Variants in CD44 observed in about 807,000 individuals in gnomAD.
CD44 encodes the protein CD44 antigen.
Under a neutral mutation model 88.8 loss-of-function variants are expected in CD44, and 49 were observed. The ratio of observed to expected loss-of-function variants is 0.55; its 90% CI spans 0.44 to 0.70. CD44 has a LOEUF of 0.70. Ranked by LOEUF, CD44 falls within the 30% of genes least tolerant of loss-of-function variation. CD44 has a pLI of 0.00. For synonymous variants in CD44, 325 were observed against 312.3 expected, an observed-to-expected ratio of 1.04 and a Z score of -0.43; for missense variants, 883 against 913.8, an observed-to-expected ratio of 0.97 and a Z score of 0.43.
intron 3 of CD44, among the ~76,000 whole-genome samples, chr11:35,185,482 T>G (rs1282759244): frequency 6.6e-6 from 1 of 152,178 alleles, no homozygotes; most frequent in African/African-American, 2.4e-5. Flanking sequence ...TCCACTTTTA[T>G]AAGTACACAA....
intron 1 of CD44, among the ~76,000 whole-genome samples, chr11:35,146,395 GTTT>G (rs1331317506): frequency 6.6e-6 from 1 of 152,202 alleles, no homozygotes. Flanking sequence ...AAGTTCATTT[GTTT>G]TTGAGAGCTC....
chr11:35,140,058 G>T (rs1325920590), intron 1 of CD44, among the ~76,000 whole-genome samples: 1 of 152,240 alleles, frequency 6.6e-6, no homozygotes, highest in Non-Finnish European at 1.5e-5. Context: ...TGGACCAGCT[G>T]CTTGGTCCTC....
chr11:35,142,073 T>A (rs1858087621), intron 1 of CD44, among the ~76,000 whole-genome samples: 2 of 152,146 alleles, frequency 1.3e-5, no homozygotes, highest in African/African-American at 4.8e-5. Context: ...AACAGATATC[T>A]TGAATTCGGG....
At chr11:35,165,367 C>G (rs751591355) in intron 1 of CD44, among the ~76,000 whole-genome samples, 6 of 152,162 alleles carry the variant, frequency 3.9e-5, no homozygotes, top group Non-Finnish European at 5.9e-5. Context: ...TCTGGGTTTA[C>G]CAAACTCTCC....
chr11:35,196,423 C>A (rs544753878), intron 5 of CD44, among the ~76,000 whole-genome samples: 1 of 152,096 alleles, frequency 6.6e-6, no homozygotes, highest in Non-Finnish European at 1.5e-5. Flanking sequence ...GGCTGTCATG[C>A]GTTCCTGGAG....
intron 1 of CD44, among the ~76,000 whole-genome samples, chr11:35,176,339 G>A (rs1289359251): frequency 6.6e-6 from 1 of 151,926 alleles, no homozygotes; most frequent in Non-Finnish European, 1.5e-5. Context: ...ACCGCGCCCG[G>A]CCTAATTTTT....
chr11:35,215,459 A>G (rs925473233), intron 15 of CD44, among the ~76,000 whole-genome samples: 3 of 152,272 alleles, frequency 2.0e-5, no homozygotes, highest in South Asian at 4.1e-4. Flanking sequence ...TAAAGCATTT[A>G]GCATAATCCT....
intron 1 of CD44, among the ~76,000 whole-genome samples, chr11:35,167,416 A>T (rs1365021056): frequency 6.6e-6 from 1 of 152,194 alleles, no homozygotes; most frequent in Non-Finnish European, 1.5e-5. Flanking sequence ...TTAAAAATAG[A>T]TAATCCAATT....
intron 6 of CD44, chr11:35,197,719 C>CAAAAAAAAA (rs550761818): frequency 1.2e-5 from 1 of 81,106 alleles, no homozygotes; most frequent in Non-Finnish European, 2.5e-5. Context: ...GTGTCTTGAC[C>CAAAAAAAAA]AAAAAAAAAA....
intron 1 of CD44, among the ~76,000 whole-genome samples, chr11:35,145,777 T>C (rs1859023915): frequency 1.3e-5 from 2 of 152,164 alleles, no homozygotes; most frequent in African/African-American, 2.4e-5. Context: ...AGAAGTACTA[T>C]ATGGGAGATG....
At chr11:35,182,499 C>T (rs554995440) in intron 3 of CD44, among the ~76,000 whole-genome samples, 5 of 152,206 alleles carry the variant, frequency 3.3e-5, no homozygotes, top group Non-Finnish European at 7.4e-5. Context: ...TGGAGTTTGA[C>T]TAAAGGGAAG....
At chr11:35,210,196 G>A (rs1948264438) in intron 13 of CD44, 142 bp downstream of exon 13, 2 of 517,806 alleles carry the variant, frequency 3.9e-6, no homozygotes, top group Non-Finnish European at 6.8e-6. Flanking sequence ...GTCTGGTGGT[G>A]GTTCTCTGAT....
chr11:35,171,322 A>G (rs772836561), intron 1 of CD44, among the ~76,000 whole-genome samples: 2 of 152,250 alleles, frequency 1.3e-5, no homozygotes, highest in Non-Finnish European at 2.9e-5. Flanking sequence ...AGTATTTGAC[A>G]CCATTCTTGC....
intron 9 of CD44, 108 bp downstream of exon 9, chr11:35,201,895 G>C: frequency 8.7e-7 from 1 of 1,149,646 alleles, no homozygotes; most frequent in Non-Finnish European, 1.2e-6. Flanking sequence ...ATTTCCACTC[G>C]GTAATTTCTT....
At chr11:35,200,853 A>G (rs1013042063) in intron 7 of CD44, among the ~76,000 whole-genome samples, 7 of 151,992 alleles carry the variant, frequency 4.6e-5, no homozygotes, top group Admixed American at 2.0e-4. Context: ...CATGTTCTGA[A>G]CCCCAAGGTA....
At chr11:35,156,818 A>G (rs900785621) in intron 1 of CD44, among the ~76,000 whole-genome samples, 1 of 152,218 alleles carries the variant, frequency 6.6e-6, no homozygotes, top group Non-Finnish European at 1.5e-5. Flanking sequence ...TTACTTTGAC[A>G]GCAGAGGTTT....
At chr11:35,217,649 A>G (rs1948946818) in intron 15 of CD44, among the ~76,000 whole-genome samples, 1 of 152,236 alleles carries the variant, frequency 6.6e-6, no homozygotes, top group Non-Finnish European at 1.5e-5. Context: ...CATAAACAAG[A>G]GCCATCCTGT....
At chr11:35,183,552 C>A (rs1410889878) in intron 3 of CD44, among the ~76,000 whole-genome samples, 1 of 151,852 alleles carries the variant, frequency 6.6e-6, no homozygotes, top group African/African-American at 2.4e-5. Context: ...TGCTGTGATC[C>A]CCCCCATAAA....
intron 1 of CD44, among the ~76,000 whole-genome samples, chr11:35,166,081 A>G (rs1439040697): frequency 6.6e-6 from 1 of 152,206 alleles, no homozygotes; most frequent in African/African-American, 2.4e-5. Context: ...CTTATTTTCT[A>G]CTTGCAAGAG....
Sources: allele counts gnomAD v4.1 joint callset (sites outside exome capture counted in the v4.1 genomes callset), GRCh38; gene constraint gnomAD v4.1.1; transcripts MANE v1.5; gene names NCBI Gene and HGNC (gene_info 2026-07-23, HGNC 2026-07-21).